The following ZNF394 variants were observed in gnomAD, a reference collection of about 807,000 sequenced individuals.
ZNF394 encodes the protein zinc finger protein 99.
In ZNF394, 19 loss-of-function variants were observed where a neutral mutation model predicts 21.8. The observed-to-expected ratio is 0.87, with a 90% CI of 0.61 to 1.28. The LOEUF (loss-of-function observed/expected upper bound fraction) is 1.28, where lower values mean the gene tolerates loss of function less well. ZNF394 is among the 50% of genes most tolerant of loss of function. The pLI is 0.00. For missense variants in ZNF394, 683 were observed against 708.6 expected, an observed-to-expected ratio of 0.96 and a Z score of 0.41; for synonymous variants, 294 against 273.3, an observed-to-expected ratio of 1.08 and a Z score of -0.75.
At position 99,494,262 on chromosome 7, in the gene ZNF394, T is replaced by G. The variant is rs1302057590; in HGVS notation, c.953A>C (p.Lys318Thr). The change falls in exon 3 of 3, where the codon AAG (lysine) becomes ACG (threonine). Residue 318 changes from lysine (K) to threonine (T), a missense_variant. Transcript: ENST00000337673. ...CCACGTCACCATGTGGAAACTTTGCTTGCACTTGTTCCCGTGTTCCTCACT... is the reference window on the plus strand; with the variant it reads ...CCACGTCACCATGTGGAAACTTTGCGTGCACTTGTTCCCGTGTTCCTCACT... ...TDSEEHGNKCKQSFHMVTWHV... is the reference protein window; with the variant it reads ...TDSEEHGNKCTQSFHMVTWHV... 1.2e-6 allele frequency: 2 copies of G among 1,614,150 alleles called. No homozygotes were observed. The highest frequency in any genetic ancestry group is 1.7e-6 in the Non-Finnish European group (2 of 1,180,054).
At position 99,493,944 on chromosome 7, in the gene ZNF394, C is replaced by G. The variant is rs1800224019; in HGVS notation, c.1271G>C (p.Arg424Thr). 6.2e-7 allele frequency: 1 copy of G among 1,614,230 alleles called. No individual in the cohort carries two copies. The highest frequency in any genetic ancestry group is 1.3e-5 in the African/African-American group (1 of 75,060). ...ATGACGATTTAGGTGTGAATTCTGC[C>G]TGAAGCGCTCCCCACATTTCAGACA... ...YTCLKCGERF[R>T]QNSHLNRHQS... is the part of the protein sequence containing the mutation. The change falls in exon 3 of 3, where the codon AGG (arginine) becomes ACG (threonine). Residue 424 changes from arginine to threonine, a missense_variant. Physicochemically the swap from Arg to Thr is moderately conservative, Grantham distance 71 (BLOSUM62 -1). Around this residue, in one of 3 missense-constraint regions of ZNF394, gnomAD observed 274 missense variants for 314.1 expected, o/e 0.87. Coordinates refer to ENST00000337673, the MANE Select transcript of ZNF394 (RefSeq NM_032164.4).
Position 99,494,089 on chromosome 7 carries a change from G to C in ZNF394, c.1126C>G (p.His376Asp), listed in dbSNP as rs1800227873. 1 of 1,614,016 alleles carries C rather than the reference G, an allele frequency of 6.2e-7. No homozygotes were observed. The highest frequency in any genetic ancestry group is 1.3e-5 in the African/African-American group (1 of 74,880). The change falls in exon 3 of 3, where the codon CAC becomes GAC. Residue 376 changes from histidine (H) to aspartate (D), a missense_variant. Coordinates refer to ENST00000337673, the MANE Select transcript of ZNF394 (RefSeq NM_032164.4). ...SFKQRSDLFR[H>D]QRIHTGEKPY... ...TTCTCACCTGTGTGGATTCTCTGGT[G>C]TCTAAAGAGGTCAGAGCGTTGTTTG... is the stretch of plus-strand genomic sequence containing the variant.
exon 2 of ZNF394, chr7:99,486,617 T>A (rs1223696815): frequency 6.2e-7 from 1 of 1,614,108 alleles, no homozygotes; most frequent in Non-Finnish European, 8.5e-7. Flanking sequence ...AAAGAATTTG[T>A]GGACAGTTGC....
chr7:99,499,466 A>G (rs893603750), intron 1 of ZNF394, among the ~76,000 whole-genome samples, 172 bp downstream of exon 1: 4 of 152,176 alleles, frequency 2.6e-5, no homozygotes, highest in Non-Finnish European at 5.9e-5. Flanking sequence ...GCTGAGGTCT[A>G]TAACAAGTCA....
intron 2 of ZNF394, among the ~76,000 whole-genome samples, chr7:99,496,390 G>A (rs1252410716): frequency 1.3e-5 from 2 of 151,784 alleles, no homozygotes; most frequent in African/African-American, 2.4e-5. Flanking sequence ...CTGAAACTTT[G>A]CTTCCTACAG....
chr7:99,495,002 A>G (rs1188762388), intron 2 of ZNF394, among the ~76,000 whole-genome samples: 1 of 151,102 alleles, frequency 6.6e-6, no homozygotes, highest in East Asian at 2.0e-4. Context: ...CTATTTATTT[A>G]TTTTGAGACA....
At chr7:99,498,906 G>GA in intron 1 of ZNF394, 64 bp from the exon 2 acceptor site, 1 of 1,542,320 alleles carries the variant, frequency 6.5e-7, no homozygotes, top group South Asian at 1.2e-5. Flanking sequence ...CACTCTTCTT[G>GA]AGTCTTGTAC....
Position 99,487,018 on chromosome 7 carries a change from G to A in ZNF394, n.84-55C>T, listed in dbSNP as rs781543735. The stretch of plus-strand genomic sequence containing the variant: ...CTGTGGAAAGTGTTTTCGGCAGCTC[G>A]CGTATCTTGTTGAACATAAGAGGAT... On this transcript the variant is annotated intron_variant and non_coding_transcript_variant, in intron 1 of 1. Transcript: ENST00000462024. 120 of 1,613,846 alleles carry A rather than the reference G, an allele frequency of 7.4e-5. No homozygotes were observed. The highest frequency in any genetic ancestry group is 9.6e-5 in the Non-Finnish European group (113 of 1,180,042).
At chr7:99,494,759 G>T (rs759951490) in intron 2 of ZNF394, 128 bp from the exon 3 acceptor site, 14 of 1,379,526 alleles carry the variant, frequency 1.0e-5, no homozygotes, top group Non-Finnish European at 1.3e-5. Context: ...TTTTTGAGAC[G>T]GTGTCTTGCT....
intron 2 of ZNF394, among the ~76,000 whole-genome samples, chr7:99,496,650 A>G (rs184877496): frequency 0.018 from 2,663 of 151,316 alleles, 76 homozygotes; most frequent in African/African-American, 0.061. Context: ...TCCTGACCTC[A>G]TGATCTGCCC....
At position 99,493,590 on chromosome 7, in the gene ZNF394, C is replaced by T. The variant is rs764235626; in HGVS notation, c.1625G>A (p.Arg542Gln). ...ERFRQSTHLI[R>Q]HQRIHQNKVL... ...TTTATTTTGATGAATTCTTTGGTGT[C>T]GGATAAGGTGTGTACTTTGTCTAAA... The change falls in exon 3 of 3, where the codon CGA (arginine) becomes CAA (glutamine). Residue 542 changes from arginine (R) to glutamine (Q), a missense_variant. Around this residue, in one of 3 missense-constraint regions of ZNF394, gnomAD observed 274 missense variants for 314.1 expected, o/e 0.87. Transcript: ENST00000337673. 6 of 1,613,886 alleles carry T rather than the reference C, an allele frequency of 3.7e-6. No individual in the cohort carries two copies. Among genetic ancestry groups the T allele is most frequent in the South Asian group, 1.1e-5 (1 of 91,050 alleles).
chr7:99,500,041 G>C lies in ZNF394; in HGVS notation c.53C>G (p.Pro18Arg). The C allele has an allele frequency of 6.3e-7, 1 of 1,596,264 alleles. No individual in the cohort carries two copies. The highest frequency in any genetic ancestry group is 8.5e-7 in the Non-Finnish European group (1 of 1,174,578). Reference sequence around the variant, plus strand: ...CTTGGACCTCGCAGCCATCACCCAGGGTCCCAACTCGGCGTCACTGCCGCG... The same window carrying C: ...CTTGGACCTCGCAGCCATCACCCAGCGTCCCAACTCGGCGTCACTGCCGCG... ...QRRGSDAELG[P>R]WVMAARSKDA... The change falls in exon 1 of 3, where the codon CCC becomes CGC. Residue 18 changes from proline (P) to arginine (R), a missense_variant. Around this residue, in one of 3 missense-constraint regions of ZNF394, gnomAD observed 402 missense variants for 373.8 expected, o/e 1.08. Coordinates refer to ENST00000337673, the MANE Select transcript of ZNF394 (RefSeq NM_032164.4).
rs746814350 is a variant in ZNF394 at position 99,493,924 on chromosome 7, G to T, written c.1291C>A (p.Arg431Ser). The T allele has an allele frequency of 6.2e-7, 1 of 1,614,106 alleles. No individual in the cohort carries two copies. The highest frequency in any genetic ancestry group is 8.5e-7 in the Non-Finnish European group (1 of 1,180,054). Reference sequence around the variant, plus strand: ...TCTCTACTGTGGGTACTTTGATGACGATTTAGGTGTGAATTCTGCCTGAAG... The same window carrying T: ...TCTCTACTGTGGGTACTTTGATGACTATTTAGGTGTGAATTCTGCCTGAAG... Reference protein sequence around the residue: ...ERFRQNSHLNRHQSTHSRDKH... With the variant: ...ERFRQNSHLNSHQSTHSRDKH... The change falls in exon 3 of 3, where the codon CGT (arginine) becomes AGT (serine). Residue 431 changes from arginine to serine, a missense_variant. Around this residue, in one of 3 missense-constraint regions of ZNF394, gnomAD observed 274 missense variants for 314.1 expected, o/e 0.87. Coordinates refer to ENST00000337673, the MANE Select transcript of ZNF394 (RefSeq NM_032164.4).
Position 99,499,982 on chromosome 7 carries a change from G to T in ZNF394, c.112C>A (p.Pro38Thr). The T allele has an allele frequency of 6.2e-7, 1 of 1,612,914 alleles. No homozygotes were observed. Among genetic ancestry groups the T allele is most frequent in the Non-Finnish European group, 8.5e-7 (1 of 1,179,950 alleles). Reference protein sequence around the residue: ...AAPSQRDGLLPVKVEEDSPGS... With the variant: ...AAPSQRDGLLTVKVEEDSPGS... ...GGTGAGTCTTCCTCCACTTTCACGG[G>T]CAAAAGTCCGTCGCGTTGGGACGGC... The change falls in exon 1 of 3, where the codon CCC (proline) becomes ACC (threonine). Residue 38 changes from proline to threonine, a missense_variant. Pro to Thr is a conservative substitution (Grantham distance 38). Around this residue, in one of 3 missense-constraint regions of ZNF394, gnomAD observed 402 missense variants for 373.8 expected, o/e 1.08. Transcript: ENST00000337673.
chr7:99,492,525 A>G (rs1800185296), downstream of ZNF394, among the ~76,000 whole-genome samples: 2 of 151,622 alleles, frequency 1.3e-5, no homozygotes, highest in Non-Finnish European at 2.9e-5. Flanking sequence ...CTGTAGTCCC[A>G]AGTACTTGGA....
At chr7:99,487,945 G>A (rs942393834) in intron 1 of ZNF394, among the ~76,000 whole-genome samples, 2 of 151,986 alleles carry the variant, frequency 1.3e-5, no homozygotes, top group Non-Finnish European at 2.9e-5. Flanking sequence ...GGTGGCAGGC[G>A]CCTGTAGTCC....
chr7:99,496,283 T>C (rs1434909032), intron 2 of ZNF394, among the ~76,000 whole-genome samples: 3 of 151,830 alleles, frequency 2.0e-5, no homozygotes, highest in Non-Finnish European at 4.4e-5. Context: ...CCCAAAGTGC[T>C]AGGGTTATAG....
intron 2 of ZNF394, among the ~76,000 whole-genome samples, chr7:99,497,155 T>TATATATATAA (rs1285527600): frequency 3.5e-4 from 46 of 132,574 alleles, no homozygotes; most frequent in South Asian, 2.1e-3. Context: ...TATATATATA[T>TATATATATAA]AAAATGTTTT....
chr7:99,498,078 A>G (rs377760586), intron 2 of ZNF394: 5 of 152,338 alleles, frequency 3.3e-5, no homozygotes, highest in African/African-American at 1.2e-4. Context: ...AAAGATATGC[A>G]AGAATATACA....
Sources: allele counts gnomAD v4.1 joint callset (sites outside exome capture counted in the v4.1 genomes callset), GRCh38; gene constraint gnomAD v4.1.1; regional missense constraint gnomAD v4.1.1; transcripts MANE v1.5; gene names NCBI Gene and HGNC (gene_info 2026-07-23, HGNC 2026-07-21).